CYP39A1: variants seen among roughly 807,000 people sequenced by gnomAD.
CYP39A1 encodes the protein cytochrome P450 family 39 subfamily A member 1.
CYP39A1 carries 49 observed loss-of-function variants against 58.1 expected under a neutral mutation model. The observed-to-expected ratio is 0.84, with a 90% CI of 0.67 to 1.07. CYP39A1 has a LOEUF of 1.07. Ranked by LOEUF, CYP39A1 falls within the 50% of genes least tolerant of loss-of-function variation. CYP39A1 has a pLI of 0.00. For synonymous variants in CYP39A1, 209 were observed against 187.6 expected (o/e 1.11, Z -0.93); for missense variants, 531 against 539.4 (o/e 0.98, Z 0.16).
chr6:46,638,946 C>T (rs1288419202), intron 3 of CYP39A1, among the ~76,000 whole-genome samples: 1 of 152,206 alleles, frequency 6.6e-6, no homozygotes, highest in Non-Finnish European at 1.5e-5. Flanking sequence ...TGCTGCTCTT[C>T]CCTGTCTCTT....
intron 10 of CYP39A1, among the ~76,000 whole-genome samples, chr6:46,578,058 C>A (rs1771933772): frequency 6.6e-6 from 1 of 151,944 alleles, no homozygotes; most frequent in African/African-American, 2.4e-5. Context: ...ATTCAAAAAA[C>A]CAAAACCATA....
chr6:46,606,710 G>A (rs7754144), intron 7 of CYP39A1, among the ~76,000 whole-genome samples: 10,837 of 152,106 alleles, frequency 0.071, 884 homozygotes, highest in African/African-American at 0.2. Flanking sequence ...TGATTCTTGC[G>A]TTCAGAAATA....
chr6:46,604,855 T>A (rs1185774687), intron 7 of CYP39A1, among the ~76,000 whole-genome samples: 1 of 152,112 alleles, frequency 6.6e-6, no homozygotes, highest in African/African-American at 2.4e-5. Flanking sequence ...TAGCAACTAT[T>A]AGACATCAAT....
At chr6:46,552,754 C>T (rs1249532472) in intron 11 of CYP39A1, among the ~76,000 whole-genome samples, 2 of 152,074 alleles carry the variant, frequency 1.3e-5, no homozygotes, top group East Asian at 3.9e-4. Flanking sequence ...CCCAGACAAG[C>T]AGCAGCAGCA....
intron 10 of CYP39A1, among the ~76,000 whole-genome samples, chr6:46,555,815 C>T (rs1770640977): frequency 6.6e-6 from 1 of 152,158 alleles, no homozygotes; most frequent in South Asian, 2.1e-4. Context: ...TATTTTATTT[C>T]AAATGAAATC....
intron 11 of CYP39A1, among the ~76,000 whole-genome samples, chr6:46,550,638 T>A (rs1426594315): frequency 6.6e-6 from 1 of 152,210 alleles, no homozygotes; most frequent in Non-Finnish European, 1.5e-5. Flanking sequence ...AGAATACAAT[T>A]CCTTATTCTA....
chr6:46,633,685 C>T (rs562398026), intron 5 of CYP39A1, among the ~76,000 whole-genome samples: 2 of 152,204 alleles, frequency 1.3e-5, no homozygotes, highest in East Asian at 3.9e-4. Flanking sequence ...GGTGAAACCT[C>T]ATCTCTACTA....
chr6:46,602,115 T>A (rs1773544715), intron 7 of CYP39A1, among the ~76,000 whole-genome samples: 1 of 152,120 alleles, frequency 6.6e-6, no homozygotes, highest in Non-Finnish European at 1.5e-5. Flanking sequence ...CAGCATACAG[T>A]AGGTACTCTA....
chr6:46,585,322 TATAGATAG>T (rs3837039), intron 10 of CYP39A1, among the ~76,000 whole-genome samples: 2,529 of 149,802 alleles, frequency 0.017, 51 homozygotes, highest in South Asian at 0.053. Context: ...TTGCTATTGG[TATAGATAG>T]ATAGATAGAT....
chr6:46,616,992 G>T (rs1243874624), intron 7 of CYP39A1, among the ~76,000 whole-genome samples: 1 of 152,048 alleles, frequency 6.6e-6, no homozygotes, highest in Non-Finnish European at 1.5e-5. Flanking sequence ...GTAATTAGGG[G>T]GGTTGGGATC....
chr6:46,576,666 T>G (rs1771866470), intron 10 of CYP39A1, among the ~76,000 whole-genome samples: 1 of 152,174 alleles, frequency 6.6e-6, no homozygotes, highest in South Asian at 2.1e-4. Context: ...TTTCTGGAAA[T>G]GAGAAATTCG....
intron 7 of CYP39A1, among the ~76,000 whole-genome samples, chr6:46,612,866 T>C (rs776013736): frequency 6.6e-5 from 10 of 152,048 alleles, no homozygotes; most frequent in Non-Finnish European, 1.0e-4. Context: ...CAGGCTGCAG[T>C]TGGGTAGTGA....
chr6:46,613,434 C>T (rs1774334412), intron 7 of CYP39A1, among the ~76,000 whole-genome samples: 1 of 152,210 alleles, frequency 6.6e-6, no homozygotes, highest in African/African-American at 2.4e-5. Flanking sequence ...AATGAAAATT[C>T]TGTATGTGCC....
intron 10 of CYP39A1, among the ~76,000 whole-genome samples, chr6:46,581,723 G>T (rs1772143865): frequency 6.6e-6 from 1 of 152,012 alleles, no homozygotes; most frequent in South Asian, 2.1e-4. Flanking sequence ...TCAAACTCCT[G>T]AGACACTCAA....
chr6:46,626,050 C>CT (rs949550438), intron 6 of CYP39A1, among the ~76,000 whole-genome samples: 75 of 145,562 alleles, frequency 5.2e-4, no homozygotes, highest in African/African-American at 1.7e-3. Context: ...AAACAAAGTC[C>CT]TTTTTTTTGG....
chr6:46,623,558 A>G (rs771957457), intron 7 of CYP39A1, among the ~76,000 whole-genome samples: 7 of 152,146 alleles, frequency 4.6e-5, no homozygotes, highest in Non-Finnish European at 1.0e-4. Context: ...CATCAACAGC[A>G]CATCATGGGA....
chr6:46,624,339 G>A (rs1170622471), intron 7 of CYP39A1, among the ~76,000 whole-genome samples: 1 of 152,102 alleles, frequency 6.6e-6, no homozygotes, highest in Non-Finnish European at 1.5e-5. Context: ...TATTTGTTTT[G>A]TAGATGCAAG....
rs60794434 is a variant in CYP39A1, at chr6:46,560,847, G to A, written c.1251-6993C>T. 7.9e-3 allele frequency among the ~76,000 whole-genome samples: 1,197 copies of A among 152,208 alleles called. 21 individuals carry two copies. The highest frequency in any genetic ancestry group is 0.027 in the African/African-American group (1,135 of 41,524). On this transcript the variant is annotated intron_variant, in intron 10 of 11. Coordinates refer to ENST00000275016, the MANE Select transcript of CYP39A1 (RefSeq NM_016593.5). ...GAAGTCAGGAAATTGAGGAAGATGA[G>A]CAAAGGAGATGGGAAAGAAGCAGGC...
At chr6:46,643,493 GCTTT>G (rs1239285585) in intron 1 of CYP39A1, among the ~76,000 whole-genome samples, 1 of 152,170 alleles carries the variant, frequency 6.6e-6, no homozygotes, top group Non-Finnish European at 1.5e-5. Context: ...CATCTACACT[GCTTT>G]CTAACATTCC....
Sources: allele counts gnomAD v4.1 joint callset (sites outside exome capture counted in the v4.1 genomes callset), GRCh38; gene constraint gnomAD v4.1.1; transcripts MANE v1.5; gene names NCBI Gene and HGNC (gene_info 2026-07-23, HGNC 2026-07-21).